Variants in MAPK9 observed in about 807,000 individuals in gnomAD.
MAPK9 encodes the protein Jun kinase.
Under a neutral mutation model 57.1 loss-of-function variants are expected in MAPK9, and 30 were observed. The ratio of observed to expected loss-of-function variants is 0.53; its 90% CI spans 0.39 to 0.71. MAPK9 has a LOEUF of 0.71. Ranked by LOEUF, MAPK9 falls within the 30% of genes least tolerant of loss-of-function variation. MAPK9 has a pLI of 0.00. For missense variants in MAPK9, 362 were observed against 521.0 expected (o/e 0.69, Z 2.97); for synonymous variants, 155 against 177.0 (o/e 0.88, Z 0.99).
chr5:180,275,371 T>C (rs1448288482), intron 2 of MAPK9, among the ~76,000 whole-genome samples: 3 of 152,224 alleles, frequency 2.0e-5, no homozygotes, highest in South Asian at 2.1e-4. Context: ...GCAGTGCCTA[T>C]AAGGGCCAAT....
chr5:180,278,815 T>G (rs559882548), intron 2 of MAPK9, among the ~76,000 whole-genome samples: 1 of 151,938 alleles, frequency 6.6e-6, no homozygotes, highest in African/African-American at 2.4e-5. Flanking sequence ...CTCTCTCGCA[T>G]GCACACATCA....
At chr5:180,267,524 T>A (rs915967062) in intron 3 of MAPK9, among the ~76,000 whole-genome samples, 1 of 136,596 alleles carries the variant, frequency 7.3e-6, no homozygotes, top group Non-Finnish European at 1.5e-5. Flanking sequence ...ATCGCGCCAC[T>A]GCCCTCCAGG....
intron 2 of MAPK9, among the ~76,000 whole-genome samples, chr5:180,276,948 A>T (rs911880981): frequency 1.3e-5 from 2 of 152,202 alleles, no homozygotes; most frequent in South Asian, 2.1e-4. Context: ...CAAATCAAAG[A>T]CAACTATAAA....
chr5:180,274,915 T>C (rs953513427), intron 2 of MAPK9, among the ~76,000 whole-genome samples: 2 of 152,198 alleles, frequency 1.3e-5, no homozygotes, highest in African/African-American at 4.8e-5. Context: ...TAAATCTCTC[T>C]TCAGTTATAT....
intron 4 of MAPK9, among the ~76,000 whole-genome samples, chr5:180,263,846 C>T (rs35636758): frequency 1.3e-3 from 197 of 152,034 alleles, no homozygotes; most frequent in Middle Eastern, 3.4e-3. Context: ...GCTGGGACTA[C>T]AGGCCCCCGC....
intron 5 of MAPK9, 143 bp downstream of exon 5, chr5:180,261,541 G>T (rs911357313): frequency 1.2e-6 from 1 of 834,782 alleles, no homozygotes; most frequent in Non-Finnish European, 1.8e-6. Flanking sequence ...CTCCTAGAAT[G>T]ACTCTCTTAA....
At chr5:180,254,962 A>G (rs550376189) in intron 5 of MAPK9, among the ~76,000 whole-genome samples, 1 of 152,266 alleles carries the variant, frequency 6.6e-6, no homozygotes, top group South Asian at 2.1e-4. Context: ...TGAACCCGAG[A>G]GGCAGAGTTT....
chr5:180,266,583 GT>G (rs1760581892), intron 3 of MAPK9, among the ~76,000 whole-genome samples: 1 of 151,692 alleles, frequency 6.6e-6, no homozygotes, highest in Non-Finnish European at 1.5e-5. Context: ...CTCCCAAAGT[GT>G]TGGGATTACA....
chr5:180,268,026 A>T (rs189912532), intron 3 of MAPK9, among the ~76,000 whole-genome samples: 10 of 151,936 alleles, frequency 6.6e-5, no homozygotes, highest in South Asian at 4.2e-4. Context: ...GGGTTTCACC[A>T]TGTTAGCCAG....
intron 2 of MAPK9, among the ~76,000 whole-genome samples, chr5:180,274,128 G>A (rs1761606768): frequency 6.6e-6 from 1 of 151,892 alleles, no homozygotes; most frequent in Non-Finnish European, 1.5e-5. Context: ...AATTTTTTTA[G>A]CTTTTTGTAT....
At chr5:180,273,375 C>A (rs55954700) in intron 2 of MAPK9, among the ~76,000 whole-genome samples, 32 of 151,948 alleles carry the variant, frequency 2.1e-4, no homozygotes, top group Non-Finnish European at 4.4e-4. Context: ...ATTGATCAAT[C>A]TTCTATGATA....
chr5:180,291,971 CCGCCGCCG>C lies in MAPK9; in HGVS notation c.-179_-172del, dbSNP rs1020330078. 1 of 13,350 alleles carries C rather than the reference CCGCCGCCG, an allele frequency of 7.5e-5. No homozygotes were observed. Among genetic ancestry groups the C allele is most frequent in the Non-Finnish European group, 1.3e-4 (1 of 7,710 alleles). The allele number at this position is 13,350 out of a possible 1,614,324, so 0.8% of individuals were successfully genotyped here. The stretch of plus-strand genomic sequence containing the variant: ...CCGGCCCGCCCCGCTCCGCTCCGCC[CCGCCGCCG>C]CCGCCGCCGCCGCCGCCGCAGTGGG... On this transcript the variant is annotated 5_prime_UTR_variant, in exon 1 of 12. Transcript: ENST00000452135.
chr5:180,275,687 T>C (rs541003977), intron 2 of MAPK9, among the ~76,000 whole-genome samples: 5 of 152,320 alleles, frequency 3.3e-5, no homozygotes, highest in African/African-American at 9.6e-5. Flanking sequence ...AGTGGGAATG[T>C]TGGCAGAAAA....
chr5:180,238,608 C>CTT lies in MAPK9; in HGVS notation c.1061-207_1061-206dup, dbSNP rs746336177. On this transcript the variant is annotated intron_variant, in intron 10 of 11. Coordinates refer to ENST00000452135, the MANE Select transcript of MAPK9 (RefSeq NM_002752.5). Reference sequence around the variant, plus strand: ...TTATATCTTTTCTTTTCTTCTTCTTCTTTTTTTTTTTTTTTTTTTTGAGAC... The same window carrying CTT: ...TTATATCTTTTCTTTTCTTCTTCTTCTTTTTTTTTTTTTTTTTTTTTTGAGAC... Among the ~76,000 whole-genome samples, 209 of 85,112 alleles carry CTT rather than the reference C, an allele frequency of 2.5e-3. 2 individuals carry two copies. The highest frequency in any genetic ancestry group is 2.9e-3 in the Non-Finnish European group (126 of 43,394). The allele number at this position is 85,112 out of a possible 152,430, so 55.8% of individuals were successfully genotyped here.
chr5:180,261,687 A>G lies in MAPK9; in HGVS notation c.447T>C (p.His149=), dbSNP rs753940850. 4.4e-6 allele frequency: 7 copies of G among 1,605,488 alleles called. No individual in the cohort carries two copies. The South Asian group carries it at 5.6e-5, about 13-fold the overall frequency. Residue 149 remains histidine (H), a synonymous_variant, in exon 5 of 12, where the codon CAT becomes CAC. Coordinates refer to ENST00000452135, the MANE Select transcript of MAPK9 (RefSeq NM_002752.5). ...IKHLHSAGII[H]RDLKPSNIVV... Reference sequence around the variant, plus strand: ...AAATTAATACATCACCACTTACTCTATGAATTATACCAGCTGAATGCAGAT... The same window carrying G: ...AAATTAATACATCACCACTTACTCTGTGAATTATACCAGCTGAATGCAGAT...
chr5:180,276,781 G>C (rs766699722), intron 2 of MAPK9, among the ~76,000 whole-genome samples: 1 of 152,212 alleles, frequency 6.6e-6, no homozygotes, highest in African/African-American at 2.4e-5. Context: ...TTGAACCCGC[G>C]AGGCGGAGGT....
intron 3 of MAPK9, among the ~76,000 whole-genome samples, chr5:180,267,376 A>T (rs1056072193): frequency 5.3e-5 from 8 of 151,868 alleles, no homozygotes; most frequent in African/African-American, 1.9e-4. Flanking sequence ...CCTGGCTAAC[A>T]TGGTGAAACC....
At chr5:180,278,278 G>A (rs943055021) in intron 2 of MAPK9, among the ~76,000 whole-genome samples, 1 of 152,208 alleles carries the variant, frequency 6.6e-6, no homozygotes, top group East Asian at 1.9e-4. Context: ...CTAGTCCTTC[G>A]ATTCACCACC....
chr5:180,243,941 G>A (rs901905530), intron 7 of MAPK9, among the ~76,000 whole-genome samples: 6 of 152,068 alleles, frequency 3.9e-5, no homozygotes, highest in African/African-American at 9.7e-5. Flanking sequence ...TCCACCTCCC[G>A]GGCTCAAGTA....
Sources: allele counts gnomAD v4.1 joint callset (sites outside exome capture counted in the v4.1 genomes callset), GRCh38; gene constraint gnomAD v4.1.1; transcripts MANE v1.5; gene names NCBI Gene and HGNC (gene_info 2026-07-23, HGNC 2026-07-21).